PRH1: variants seen among roughly 807,000 people sequenced by gnomAD.
The protein encoded by PRH1 is proline rich protein HaeIII subfamily 1.
PRH1 carries 7 observed loss-of-function variants against 7.9 expected under a neutral mutation model. That is an observed-to-expected ratio of 0.89 (90% CI 0.50 to 1.67). PRH1 has a LOEUF of 1.67. Ranked by LOEUF, PRH1 falls within the 40% of genes most tolerant of loss-of-function variation. The probability of loss-of-function intolerance (pLI) is 0.00; values close to 1 mark genes in which losing one functional copy is unlikely to be tolerated. For synonymous variants in PRH1, 45 were observed against 80.8 expected, an observed-to-expected ratio of 0.56 and a Z score of 2.38; for missense variants, 109 against 223.6, an observed-to-expected ratio of 0.49 and a Z score of 3.27.
At chr12:11,056,235 T>G (rs1301749048) in intron 1 of PRH1, among the ~76,000 whole-genome samples, 3 of 152,280 alleles carry the variant, frequency 2.0e-5, no homozygotes, top group Non-Finnish European at 2.9e-5. Flanking sequence ...AACTATTCCT[T>G]GGGCACTTAA....
chr12:11,136,359 T>C (rs976652517), intron 1 of PRH1, among the ~76,000 whole-genome samples: 1 of 152,226 alleles, frequency 6.6e-6, no homozygotes, highest in Non-Finnish European at 1.5e-5. Flanking sequence ...ATGGAATTAA[T>C]GTAATGATTC....
intron 1 of PRH1, among the ~76,000 whole-genome samples, chr12:11,044,193 AAGAC>A (rs1942827802): frequency 6.6e-6 from 1 of 152,188 alleles, no homozygotes; most frequent in African/African-American, 2.4e-5. Flanking sequence ...ACACTGGAAA[AAGAC>A]AGTCTCTTCA....
chr12:10,924,830 G>A (rs536891898), intron 2 of PRH1, among the ~76,000 whole-genome samples: 2 of 152,294 alleles, frequency 1.3e-5, no homozygotes, highest in South Asian at 4.1e-4. Context: ...TTGTATTTCT[G>A]TGGAATCAGT....
intron 1 of PRH1, among the ~76,000 whole-genome samples, chr12:11,081,612 A>C (rs117852554): frequency 4.3e-4 from 41 of 96,058 alleles, no homozygotes; most frequent in Admixed American, 1.2e-3. Context: ...TTGCTGGGTC[A>C]TCACCACAAA....
At chr12:11,115,915 T>G (rs575141422), downstream of PRH1, among the ~76,000 whole-genome samples, 2 of 152,054 alleles carry the variant, frequency 1.3e-5, no homozygotes, top group East Asian at 3.9e-4. Context: ...GAAGGAAATT[T>G]ATAGCTATAA....
At chr12:11,078,647 T>C (rs1421359861) in intron 1 of PRH1, 1 of 152,158 alleles carries the variant, frequency 6.6e-6, no homozygotes, top group Non-Finnish European at 1.5e-5. Flanking sequence ...ATCCAGCATC[T>C]TCAGTTGTTT....
chr12:11,084,565 A>T lies in PRH1; in HGVS notation n.124-37377T>A, dbSNP rs1325716913. ...TTTACAATTCTAGGAGCAGTGTATG[A>T]AAATTCCCATTACTTCATAAGCTTT... On this transcript the variant is annotated intron_variant and non_coding_transcript_variant, in intron 1 of 4. Coordinates refer to the PRH1 transcript ENST00000541977. 1.2e-4 allele frequency among the ~76,000 whole-genome samples: 18 copies of T among 148,702 alleles called. 1 individual carries two copies. Among genetic ancestry groups the T allele is most frequent in the Non-Finnish European group, 1.0e-4 (7 of 66,978 alleles).
intron 1 of PRH1, among the ~76,000 whole-genome samples, chr12:11,011,682 T>C (rs1941074974): frequency 6.6e-6 from 1 of 152,144 alleles, no homozygotes; most frequent in Admixed American, 6.6e-5. Context: ...ATTTTTTCAA[T>C]GTCAGATTTA....
At chr12:10,909,380 C>T (rs191331862) in intron 2 of PRH1, 1 of 930,716 alleles carries the variant, frequency 1.1e-6, no homozygotes, top group East Asian at 2.6e-5. Flanking sequence ...CTTGAGTGTC[C>T]AGTGGAGTTC....
At chr12:11,146,089 A>C (rs982688585) in intron 1 of PRH1, among the ~76,000 whole-genome samples, 4 of 152,064 alleles carry the variant, frequency 2.6e-5, no homozygotes, top group African/African-American at 9.7e-5. Flanking sequence ...ATATCCTACT[A>C]TATGCTTCTA....
At chr12:10,901,726 G>A (rs867440581) in intron 2 of PRH1, among the ~76,000 whole-genome samples, 28 of 152,064 alleles carry the variant, frequency 1.8e-4, no homozygotes, top group Non-Finnish European at 4.0e-4. Context: ...CCTGCAACCT[G>A]TAAGTGCATA....
chr12:11,168,413 A>AAAGG (rs1565726776), intron 1 of PRH1, among the ~76,000 whole-genome samples: 3 of 148,098 alleles, frequency 2.0e-5, no homozygotes, highest in African/African-American at 7.5e-5. Context: ...AGAAAGAAAG[A>AAAGG]AAGAAAGGAA....
upstream of PRH1, among the ~76,000 whole-genome samples, chr12:11,048,099 T>C (rs894159311): frequency 6.6e-6 from 1 of 152,094 alleles, no homozygotes; most frequent in African/African-American, 2.4e-5. Flanking sequence ...TAATTTGTGG[T>C]CAATGTTGTT....
intron 1 of PRH1, chr12:11,031,102 T>C: frequency 6.2e-7 from 1 of 1,614,290 alleles, no homozygotes; most frequent in Non-Finnish European, 8.5e-7. Context: ...TTCTTACTTC[T>C]ACACTATAAA....
intron 2 of PRH1, among the ~76,000 whole-genome samples, chr12:10,966,561 C>T (rs887530278): frequency 9.9e-5 from 15 of 152,156 alleles, no homozygotes; most frequent in Non-Finnish European, 2.2e-4. Context: ...TAACTAATTC[C>T]AAGATGCAGA....
intron 1 of PRH1, among the ~76,000 whole-genome samples, chr12:11,124,571 G>A (rs1946040465): frequency 6.6e-6 from 1 of 152,234 alleles, no homozygotes; most frequent in African/African-American, 2.4e-5. Flanking sequence ...AAATCTAAAT[G>A]TATTCAACTT....
intron 1 of PRH1, among the ~76,000 whole-genome samples, chr12:11,012,852 CT>C (rs1425175607): frequency 1.3e-5 from 2 of 152,096 alleles, no homozygotes; most frequent in Non-Finnish European, 2.9e-5. Context: ...CTGCACCTAG[CT>C]GAGAACTTCC....
chr12:11,056,782 C>A (rs531207436), intron 1 of PRH1, among the ~76,000 whole-genome samples: 5 of 152,256 alleles, frequency 3.3e-5, no homozygotes, highest in South Asian at 2.1e-4. Context: ...CACACCACTG[C>A]ACACCAGCCT....
chr12:10,961,429 C>T (rs1484946890), intron 2 of PRH1, among the ~76,000 whole-genome samples: 2 of 151,004 alleles, frequency 1.3e-5, no homozygotes, highest in South Asian at 2.1e-4. Context: ...CCCCTCTAAG[C>T]ATGAGCGCCT....
Sources: allele counts gnomAD v4.1 joint callset (sites outside exome capture counted in the v4.1 genomes callset), GRCh38; gene constraint gnomAD v4.1.1; transcripts MANE v1.5; gene names NCBI Gene and HGNC (gene_info 2026-07-23, HGNC 2026-07-21).